The following PRICKLE1 variants were observed in gnomAD, a reference collection of about 807,000 sequenced individuals.
The protein encoded by PRICKLE1 is prickle-like protein 1.
Under a neutral mutation model 70.2 loss-of-function variants are expected in PRICKLE1, and 14 were observed. The observed-to-expected ratio is 0.20, with a 90% CI of 0.13 to 0.31. The LOEUF (loss-of-function observed/expected upper bound fraction) is 0.31, where lower values mean the gene tolerates loss of function less well. Among genes scored for constraint, PRICKLE1 ranks in the 10% least tolerant of loss-of-function variants. The pLI is 1.00. For missense variants in PRICKLE1, 821 were observed against 1,026.2 expected (o/e 0.80, Z 2.73); for synonymous variants, 357 against 379.9 (o/e 0.94, Z 0.70).
At chr12:42,540,180 C>T (rs1443342526) in intron 1 of PRICKLE1, among the ~76,000 whole-genome samples, 3 of 152,190 alleles carry the variant, frequency 2.0e-5, no homozygotes, top group Non-Finnish European at 2.9e-5. Flanking sequence ...AAAGTTTGTG[C>T]TAAGATTCCT....
intron 1 of PRICKLE1, among the ~76,000 whole-genome samples, chr12:42,477,054 C>T (rs143216207): frequency 2.7e-4 from 41 of 152,118 alleles, no homozygotes; most frequent in East Asian, 1.2e-3. Flanking sequence ...ACAGTTCTTA[C>T]GCTTGTAAAA....
chr12:42,544,572 A>T (rs943104877), intron 1 of PRICKLE1, among the ~76,000 whole-genome samples: 1 of 152,242 alleles, frequency 6.6e-6, no homozygotes, highest in Non-Finnish European at 1.5e-5. Context: ...AAGTTAGTGA[A>T]CATTACCCTT....
At chr12:42,581,438 T>C (rs982162274) in intron 1 of PRICKLE1, among the ~76,000 whole-genome samples, 4 of 151,864 alleles carry the variant, frequency 2.6e-5, no homozygotes, top group Admixed American at 2.6e-4. Flanking sequence ...ATTGACAAAG[T>C]ATTTCATTAA....
At chr12:42,556,804 T>C (rs903925015) in intron 1 of PRICKLE1, among the ~76,000 whole-genome samples, 5 of 152,160 alleles carry the variant, frequency 3.3e-5, no homozygotes, top group Admixed American at 6.5e-5. Context: ...TGCAAAGATA[T>C]GGGTTTTGCA....
intron 1 of PRICKLE1, among the ~76,000 whole-genome samples, chr12:42,531,032 G>C (rs1185550168): frequency 7.2e-6 from 1 of 138,608 alleles, no homozygotes; most frequent in African/African-American, 2.7e-5. Flanking sequence ...TATTGCTAAA[G>C]ATGTTAAGGG....
In PRICKLE1 at chr12:42,533,641, G is replaced by A. The variant is rs576096851; in HGVS notation, c.-49+55824C>T. On this transcript the variant is annotated intron_variant, in intron 1 of 7. Coordinates refer to ENST00000345127, the MANE Select transcript of PRICKLE1 (RefSeq NM_153026.3). ...GCTTGGGGGAATTGTATAATAAATA[G>A]GCAACGTGACCAACACCTCCTTGTA... Among the ~76,000 whole-genome samples the A allele has an allele frequency of 2.0e-5, 3 of 152,076 alleles. No homozygotes were observed. The South Asian group carries it at 6.2e-4, about 32-fold the overall frequency.
intron 1 of PRICKLE1, among the ~76,000 whole-genome samples, chr12:42,547,965 A>C (rs764133076): frequency 6.6e-6 from 1 of 152,212 alleles, no homozygotes; most frequent in Non-Finnish European, 1.5e-5. Flanking sequence ...TTTCATATAC[A>C]ACTTATACAC....
chr12:42,576,201 A>G (rs1213195613), intron 1 of PRICKLE1, among the ~76,000 whole-genome samples: 1 of 152,270 alleles, frequency 6.6e-6, no homozygotes, highest in East Asian at 1.9e-4. Context: ...TTGTAAGTGC[A>G]ATTTCTCCTT....
intron 1 of PRICKLE1, among the ~76,000 whole-genome samples, chr12:42,564,205 A>C (rs1382194007): frequency 1.4e-5 from 2 of 144,584 alleles, no homozygotes; most frequent in African/African-American, 2.6e-5. Flanking sequence ...GCAGTGAGCC[A>C]AGATCACGCC....
chr12:42,510,084 A>G (rs1939485623), intron 1 of PRICKLE1, among the ~76,000 whole-genome samples: 1 of 150,790 alleles, frequency 6.6e-6, no homozygotes. Context: ...AAAAAAAAAA[A>G]GATTATTAAG....
At position 42,459,384 on chromosome 12, in the gene PRICKLE1, G is replaced by A; in HGVS notation, c.*425C>T. 1 of 702,354 alleles carries A rather than the reference G, an allele frequency of 1.4e-6. No individual in the cohort carries two copies. Among genetic ancestry groups the A allele is most frequent in the East Asian group, 2.7e-5 (1 of 37,276 alleles). The allele number at this position is 702,354 out of a possible 1,614,324, so 43.5% of individuals were successfully genotyped here. On this transcript the variant is annotated 3_prime_UTR_variant, in exon 8 of 8. Transcript: ENST00000345127. ...TTAGCTAGGTCATCGTGACAGGCAT[G>A]CCTCACACCAAGACGGACTATCAAG... is the stretch of plus-strand genomic sequence containing the variant.
chr12:42,516,770 C>T (rs1939618788), intron 1 of PRICKLE1, among the ~76,000 whole-genome samples: 1 of 152,110 alleles, frequency 6.6e-6, no homozygotes, highest in African/African-American at 2.4e-5. Flanking sequence ...CCTTGGGAAA[C>T]CCCCAAAGTC....
At chr12:42,474,727 T>G (rs960238495) in intron 1 of PRICKLE1, among the ~76,000 whole-genome samples, 6 of 152,204 alleles carry the variant, frequency 3.9e-5, no homozygotes, top group Non-Finnish European at 5.9e-5. Context: ...TTAGTAACTC[T>G]AAAACTCCTA....
At chr12:42,587,902 C>T (rs1414292522) in intron 1 of PRICKLE1, among the ~76,000 whole-genome samples, 4 of 152,162 alleles carry the variant, frequency 2.6e-5, no homozygotes, top group Non-Finnish European at 5.9e-5. Flanking sequence ...TAAGTTGATG[C>T]TCAATTCAAA....
intron 1 of PRICKLE1, among the ~76,000 whole-genome samples, chr12:42,502,724 G>C (rs1939337950): frequency 6.6e-6 from 1 of 152,172 alleles, no homozygotes; most frequent in South Asian, 2.1e-4. Flanking sequence ...AAAGGGCCGA[G>C]TCTTAGATGT....
chr12:42,566,068 G>A (rs1025269540), intron 1 of PRICKLE1, among the ~76,000 whole-genome samples: 2 of 152,190 alleles, frequency 1.3e-5, no homozygotes, highest in African/African-American at 4.8e-5. Context: ...AAGGAGTGCA[G>A]AGCGGGCTGT....
chr12:42,547,440 C>T (rs150059523), intron 1 of PRICKLE1, among the ~76,000 whole-genome samples: 35 of 152,312 alleles, frequency 2.3e-4, no homozygotes, highest in African/African-American at 8.4e-4. Context: ...CAGCACCATG[C>T]CATGGATAAA....
At chr12:42,553,404 A>T (rs1210149172) in intron 1 of PRICKLE1, among the ~76,000 whole-genome samples, 1 of 151,440 alleles carries the variant, frequency 6.6e-6, no homozygotes, top group Non-Finnish European at 1.5e-5. Context: ...AGATCACGCC[A>T]CTGCACTCCA....
At chr12:42,490,291 G>C (rs997404099) in intron 1 of PRICKLE1, among the ~76,000 whole-genome samples, 1 of 152,204 alleles carries the variant, frequency 6.6e-6, no homozygotes, top group African/African-American at 2.4e-5. Flanking sequence ...GAATGGAATG[G>C]GTTTGGGACA....
Sources: allele counts gnomAD v4.1 joint callset (sites outside exome capture counted in the v4.1 genomes callset), GRCh38; gene constraint gnomAD v4.1.1; transcripts MANE v1.5; gene names NCBI Gene and HGNC (gene_info 2026-07-23, HGNC 2026-07-21).